The following SEMA4D variants were observed in gnomAD, a reference collection of about 807,000 sequenced individuals.
The protein encoded by SEMA4D is semaphorin-4D.
A neutral mutation model predicts 74.8 loss-of-function variants in SEMA4D; 22 were observed. The ratio of observed to expected loss-of-function variants is 0.29; its 90% confidence interval spans 0.21 to 0.42. The LOEUF is 0.42. Among genes scored for constraint, SEMA4D ranks in the 10% least tolerant of loss-of-function variants. The pLI is 1.00. For missense variants in SEMA4D, 937 were observed against 1,118.4 expected, an observed-to-expected ratio of 0.84 and a Z score of 2.31; for synonymous variants, 445 against 463.7, an observed-to-expected ratio of 0.96 and a Z score of 0.52.
chr9:89,378,787 T>A lies in SEMA4D; in HGVS notation c.2506A>T (p.Ile836Phe). 1 of 1,614,204 alleles carries A rather than the reference T, an allele frequency of 6.2e-7. No individual in the cohort carries two copies. Among genetic ancestry groups the A allele is most frequent in the Non-Finnish European group, 8.5e-7 (1 of 1,180,048 alleles). ...TTGTCCCTGGCAGAAAGGTCGTCGATCCTCTGTGAGTCCTCCCTATCCGTG... is the reference window on the plus strand; with the variant it reads ...TTGTCCCTGGCAGAAAGGTCGTCGAACCTCTGTGAGTCCTCCCTATCCGTG... Reference protein sequence around the residue: ...VPTDREDSQRIDDLSARDKPF... With the variant: ...VPTDREDSQRFDDLSARDKPF... Residue 836 changes from isoleucine (I) to phenylalanine (F), a missense_variant, in exon 16 of 16, where the codon ATC becomes TTC. Physicochemically the swap from Ile to Phe is conservative, Grantham distance 21. Transcript: ENST00000422704.
At chr9:89,481,876 C>G (rs1170628767) in intron 1 of SEMA4D, among the ~76,000 whole-genome samples, 1 of 152,252 alleles carries the variant, frequency 6.6e-6, no homozygotes, top group Admixed American at 6.5e-5. Flanking sequence ...AAGGGCCGCA[C>G]ACTGAGGCTA....
chr9:89,416,509 C>T (rs897676655), intron 2 of SEMA4D, among the ~76,000 whole-genome samples: 5 of 152,184 alleles, frequency 3.3e-5, no homozygotes, highest in African/African-American at 1.2e-4. Flanking sequence ...CGTCAGTCTA[C>T]ACACAACACA....
At chr9:89,374,652 T>C (rs530880888), downstream of SEMA4D, among the ~76,000 whole-genome samples, 1 of 152,220 alleles carries the variant, frequency 6.6e-6, no homozygotes, top group Non-Finnish European at 1.5e-5. Flanking sequence ...GCTGTAACAG[T>C]GATGTCCCTT....
rs187987102 is a variant in SEMA4D, at chr9:89,463,986, C to T, written c.-309-8033G>A. ...GTGCCAACTAGAGCCAAAGGCTTAA[C>T]TTCAACCCTTGCAGTCATGGGGGCA... On this transcript the variant is annotated intron_variant, in intron 1 of 15. Transcript: ENST00000422704. 1.2e-4 allele frequency among the ~76,000 whole-genome samples: 18 copies of T among 151,426 alleles called. No homozygotes were observed. In the South Asian group the frequency reaches 1.5e-3, roughly 12 times the overall value.
chr9:89,488,033 G>A (rs772903734), intron 1 of SEMA4D, among the ~76,000 whole-genome samples: 1 of 152,098 alleles, frequency 6.6e-6, no homozygotes, highest in Non-Finnish European at 1.5e-5. Flanking sequence ...ATCTAGAACC[G>A]ACACTACAAT....
chr9:89,412,390 G>A (rs1844730843), intron 2 of SEMA4D, among the ~76,000 whole-genome samples: 1 of 152,232 alleles, frequency 6.6e-6, no homozygotes, highest in South Asian at 2.1e-4. Flanking sequence ...AGGTGCCCAG[G>A]TGGAAGCCAG....
Position 89,392,481 on chromosome 9 carries a change from G to C in SEMA4D, c.564C>G (p.Ile188Met). The C allele has an allele frequency of 6.2e-7, 1 of 1,613,950 alleles. No homozygotes were observed. The highest frequency in any genetic ancestry group is 8.5e-7 in the Non-Finnish European group (1 of 1,179,850). ...GAGGACTGTGGGAAGAATTTCGGGA[G>C]ATGATGGGTTCACTTCCCAAAAAAT... ...SYNFLGSEPI[I>M]SRNSSHSPLR... The change falls in exon 8 of 16, where the codon ATC becomes ATG. Residue 188 changes from isoleucine (I) to methionine (M), a missense_variant. Transcript: ENST00000422704.
At chr9:89,463,968 C>T (rs1045205045) in intron 1 of SEMA4D, among the ~76,000 whole-genome samples, 27 of 151,432 alleles carry the variant, frequency 1.8e-4, no homozygotes, top group Middle Eastern at 6.9e-3. Context: ...ATCGTGCCAA[C>T]TAGAGCCAAA....
chr9:89,449,674 C>G lies in SEMA4D; in HGVS notation c.-244+6214G>C. 3 of 1,509,828 alleles carry G rather than the reference C, an allele frequency of 2.0e-6. No individual in the cohort carries two copies. In the East Asian group the frequency reaches 6.8e-5, roughly 34 times the overall value. 93.5% of individuals were successfully genotyped at this position (1,509,828 alleles called of 1,614,324 possible). ...GTACTTCGGTCCTTGGTGGACGCAT[C>G]TAGCTCAGGTGTGTCAGTACTGAGC... On this transcript the variant is annotated intron_variant, in intron 2 of 15. Coordinates refer to ENST00000422704, the MANE Select transcript of SEMA4D (RefSeq NM_001371194.2).
intron 2 of SEMA4D, among the ~76,000 whole-genome samples, chr9:89,425,828 C>G (rs968933237): frequency 2.0e-5 from 3 of 152,232 alleles, no homozygotes; most frequent in African/African-American, 7.2e-5. Flanking sequence ...TGCAGTGACC[C>G]CAGGACCATG....
intron 1 of SEMA4D, among the ~76,000 whole-genome samples, chr9:89,458,301 T>C (rs1856438570): frequency 6.6e-6 from 1 of 152,128 alleles, no homozygotes; most frequent in South Asian, 2.1e-4. Flanking sequence ...TTTCTGAGCT[T>C]CCGTATTAGG....
chr9:89,418,455 ACTAT>A (rs1359376050), intron 2 of SEMA4D: 49 of 982,770 alleles, frequency 5.0e-5, no homozygotes, highest in East Asian at 1.1e-4. Flanking sequence ...CCAAAAAAGT[ACTAT>A]CTAATTGTCT....
chr9:89,417,930 T>G (rs1194683465), intron 2 of SEMA4D: 3 of 205,590 alleles, frequency 1.5e-5, no homozygotes, highest in Non-Finnish European at 2.6e-5. Context: ...GTCTGAAGCT[T>G]TGCCCCACAG....
intron 1 of SEMA4D, among the ~76,000 whole-genome samples, chr9:89,480,385 G>A (rs1824481771): frequency 6.6e-6 from 1 of 152,266 alleles, no homozygotes; most frequent in South Asian, 2.1e-4. Context: ...GGCTGCAGGT[G>A]GAGCTGCCTG....
At chr9:89,413,574 G>A (rs1468837713) in intron 2 of SEMA4D, among the ~76,000 whole-genome samples, 1 of 152,228 alleles carries the variant, frequency 6.6e-6, no homozygotes, top group African/African-American at 2.4e-5. Flanking sequence ...ATCTGTACAG[G>A]TGTGTTGTGT....
intron 1 of SEMA4D, among the ~76,000 whole-genome samples, chr9:89,458,024 C>G (rs1856356462): frequency 6.6e-6 from 1 of 152,060 alleles, no homozygotes; most frequent in Non-Finnish European, 1.5e-5. Context: ...TAGAGCGAGA[C>G]TGGGTCTCAA....
chr9:89,444,468 C>T (rs1206607049), intron 2 of SEMA4D, among the ~76,000 whole-genome samples: 1 of 152,200 alleles, frequency 6.6e-6, no homozygotes, highest in Admixed American at 6.5e-5. Context: ...AAGAGACAAG[C>T]AGGCCAGCGA....
At chr9:89,474,069 C>T (rs567736566) in intron 1 of SEMA4D, among the ~76,000 whole-genome samples, 73 of 152,192 alleles carry the variant, frequency 4.8e-4, no homozygotes, top group Non-Finnish European at 9.0e-4. Context: ...GCTGCCTTCA[C>T]GGTCCCCATC....
chr9:89,393,785 G>A, intron 6 of SEMA4D, 130 bp from the exon 7 acceptor site: 2 of 677,552 alleles, frequency 3.0e-6, no homozygotes, highest in Non-Finnish European at 5.2e-6. Context: ...AGATAGGTGT[G>A]GAGCTACAGG....
Sources: allele counts gnomAD v4.1 joint callset (sites outside exome capture counted in the v4.1 genomes callset), GRCh38; gene constraint gnomAD v4.1.1; transcripts MANE v1.5; gene names NCBI Gene and HGNC (gene_info 2026-07-23, HGNC 2026-07-21).